Variants in GALNT13 observed in about 807,000 individuals in gnomAD.
GALNT13 encodes the protein polypeptide N-acetylgalactosaminyltransferase 13, also known as UDP-GalNAc:polypeptide N-acetylgalactosaminyltransferase 13.
GALNT13 carries 28 observed loss-of-function variants against 64.2 expected under a neutral mutation model. The ratio of observed to expected loss-of-function variants is 0.44; its 90% CI spans 0.32 to 0.60. The LOEUF (loss-of-function observed/expected upper bound fraction) is 0.60, where lower values mean the gene tolerates loss of function less well. Among genes scored for constraint, GALNT13 ranks in the 20% least tolerant of loss-of-function variants. GALNT13 has a pLI of 0.05. For missense variants in GALNT13, 577 were observed against 669.8 expected (o/e 0.86, Z 1.53); for synonymous variants, 214 against 224.6 (o/e 0.95, Z 0.42).
At chr2:153,258,893 C>T in the GALNT13 span, among the ~76,000 whole-genome samples, 1 of 152,128 alleles carries the variant, frequency 6.6e-6, no homozygotes, top group African/African-American at 2.4e-5. Context: ...GAGAATAATG[C>T]ATGTGCTGAG....
chr2:154,373,356 A>T (rs1018476433), intron 9 of GALNT13, among the ~76,000 whole-genome samples: 7 of 152,278 alleles, frequency 4.6e-5, no homozygotes, highest in Middle Eastern at 3.4e-3. Flanking sequence ...TGAGGCTTGA[A>T]TCATAATGGC....
intron 9 of GALNT13, among the ~76,000 whole-genome samples, chr2:154,315,542 G>A (rs1232954441): frequency 6.6e-6 from 1 of 152,158 alleles, no homozygotes; most frequent in Non-Finnish European, 1.5e-5. Context: ...TAACTGCCTT[G>A]CTATGAAATA....
rs138271934 is a variant in GALNT13 at position 154,268,259 on chromosome 2, C to A, written c.975+9121C>A. 9.2e-4 allele frequency among the ~76,000 whole-genome samples: 140 copies of A among 152,154 alleles called. 3 individuals are homozygous for A. The highest frequency in any genetic ancestry group is 3.3e-3 in the African/African-American group (135 of 41,496). On this transcript the variant is annotated intron_variant, in intron 8 of 12. Transcript: ENST00000392825. ...GAATGTGTGCAAACTATTAATGCAC[C>A]CTACAACTTTGGTGAATTTTGTAAT... is the stretch of plus-strand genomic sequence containing the variant.
chr2:153,814,439 CAAT>C, the GALNT13 span, among the ~76,000 whole-genome samples: 4 of 144,524 alleles, frequency 2.8e-5, no homozygotes, highest in Non-Finnish European at 6.0e-5. Context: ...GACTCCGTCT[CAAT>C]AAATAAATAA....
the GALNT13 span, among the ~76,000 whole-genome samples, chr2:153,197,062 A>G: frequency 8.5e-5 from 13 of 152,186 alleles, no homozygotes; most frequent in Non-Finnish European, 1.8e-4. Flanking sequence ...TGATGTGTAC[A>G]GGTGAGTGTA....
the GALNT13 span, among the ~76,000 whole-genome samples, chr2:153,229,659 T>A: frequency 6.6e-6 from 1 of 152,240 alleles, no homozygotes; most frequent in Non-Finnish European, 1.5e-5. Flanking sequence ...TTTCTGCTGA[T>A]GACTTGATAG....
At chr2:154,326,699 CA>C (rs1426496260) in intron 9 of GALNT13, among the ~76,000 whole-genome samples, 4 of 152,002 alleles carry the variant, frequency 2.6e-5, no homozygotes, top group African/African-American at 9.7e-5. Context: ...TTTATACTTA[CA>C]AAAGATAAAA....
intron 4 of GALNT13, 59 bp from the exon 5 acceptor site, chr2:154,241,971 T>A (rs1689511988): frequency 2.7e-6 from 3 of 1,105,626 alleles, no homozygotes; most frequent in Non-Finnish European, 3.8e-6. Flanking sequence ...TATTTCTTTT[T>A]AAAATAATCA....
At chr2:153,727,386 C>T in the GALNT13 span, among the ~76,000 whole-genome samples, 1 of 152,204 alleles carries the variant, frequency 6.6e-6, no homozygotes, top group African/African-American at 2.4e-5. Flanking sequence ...ATCCATTCTA[C>T]TGTTGATGCA....
At chr2:154,398,780 C>T (rs1267088709) in intron 10 of GALNT13, among the ~76,000 whole-genome samples, 3 of 152,204 alleles carry the variant, frequency 2.0e-5, no homozygotes, top group Non-Finnish European at 4.4e-5. Context: ...CATAAAACAT[C>T]TAGCCCAATG....
chr2:153,880,331 T>C (rs752807600), intron 1 of GALNT13, among the ~76,000 whole-genome samples: 12 of 152,186 alleles, frequency 7.9e-5, no homozygotes, highest in Non-Finnish European at 1.2e-4. Flanking sequence ...TTTTGTTTAA[T>C]ACACTAAAAT....
intron 7 of GALNT13, among the ~76,000 whole-genome samples, chr2:154,247,000 G>A (rs1689818829): frequency 6.6e-6 from 1 of 151,906 alleles, no homozygotes; most frequent in Admixed American, 6.6e-5. Flanking sequence ...CTACTGAAGG[G>A]ATGACTTATC....
At chr2:154,028,744 C>T (rs534236564) in intron 3 of GALNT13, among the ~76,000 whole-genome samples, 7 of 151,926 alleles carry the variant, frequency 4.6e-5, no homozygotes, top group South Asian at 2.1e-4. Flanking sequence ...TTCATAAGGA[C>T]ATATATGATA....
the GALNT13 span, among the ~76,000 whole-genome samples, chr2:153,411,179 ATTT>A: frequency 7.8e-5 from 10 of 128,302 alleles, no homozygotes; most frequent in Admixed American, 1.6e-4. Context: ...ATATATATAT[ATTT>A]TTTTTTTTTC....
At chr2:153,428,178 A>G in the GALNT13 span, among the ~76,000 whole-genome samples, 3 of 152,124 alleles carry the variant, frequency 2.0e-5, no homozygotes, top group Non-Finnish European at 2.9e-5. Flanking sequence ...ATGTTAGTCC[A>G]TTTGCATTTC....
intron 1 of GALNT13, among the ~76,000 whole-genome samples, chr2:153,897,081 G>A (rs1191052720): frequency 1.3e-5 from 2 of 152,116 alleles, no homozygotes; most frequent in African/African-American, 4.8e-5. Flanking sequence ...TGAATCATTT[G>A]AGAATCAGTT....
At chr2:153,573,577 C>CA in the GALNT13 span, among the ~76,000 whole-genome samples, 34,448 of 151,846 alleles carry the variant, frequency 0.23, 4,337 homozygotes, top group Admixed American at 0.38. Flanking sequence ...TTTAATTTCT[C>CA]ACGTTTTATT....
At chr2:153,625,265 C>G in the GALNT13 span, among the ~76,000 whole-genome samples, 1 of 151,888 alleles carries the variant, frequency 6.6e-6, no homozygotes, top group Non-Finnish European at 1.5e-5. Flanking sequence ...TCCACAAAAC[C>G]TGATAGATGA....
the GALNT13 span, among the ~76,000 whole-genome samples, chr2:153,853,061 C>G: frequency 7.2e-5 from 11 of 152,206 alleles, no homozygotes; most frequent in East Asian, 2.1e-3. Flanking sequence ...GAGCCCCTGG[C>G]AAACCACTGG....
Sources: gnomAD v4.1 joint callset for allele counts (sites outside exome capture counted in the v4.1 genomes callset) on GRCh38, gnomAD v4.1.1 for gene constraint, MANE v1.5 for transcripts, NCBI Gene and HGNC (gene_info 2026-07-23, HGNC 2026-07-21) for gene names.